The following TRPC1 variants were observed in gnomAD, a reference collection of about 807,000 sequenced individuals.
The protein encoded by TRPC1 is short transient receptor potential channel 1.
In TRPC1, 42 loss-of-function variants were observed where a neutral mutation model predicts 88.2. That is an observed-to-expected ratio of 0.48 (90% CI 0.37 to 0.62). The LOEUF (loss-of-function observed/expected upper bound fraction) is 0.62. TRPC1 is among the 20% of genes least tolerant of loss of function. The pLI is 0.00. For missense variants in TRPC1, 699 were observed against 957.3 expected, an observed-to-expected ratio of 0.73 and a Z score of 3.56; for synonymous variants, 288 against 331.8, an observed-to-expected ratio of 0.87 and a Z score of 1.43.
rs753531807 is a variant in TRPC1, at chr3:142,726,621, A to T, written c.172+1890A>T. Among the ~76,000 whole-genome samples the T allele has an allele frequency of 1.5e-3, 230 of 152,368 alleles. 3 individuals carry two copies. The highest frequency in any genetic ancestry group is 2.2e-3 in the Non-Finnish European group (153 of 68,030). On this transcript the variant is annotated intron_variant, in intron 1 of 12. Transcript: ENST00000476941. Reference sequence around the variant, plus strand: ...CTTGAGTTAGATTTGGAAAAATAGCATAATTCTTACGCATACTTATGGGGT... The same window carrying T: ...CTTGAGTTAGATTTGGAAAAATAGCTTAATTCTTACGCATACTTATGGGGT...
At chr3:142,750,921 A>G (rs575143908) in intron 4 of TRPC1, among the ~76,000 whole-genome samples, 1 of 152,316 alleles carries the variant, frequency 6.6e-6, no homozygotes, top group East Asian at 1.9e-4. Flanking sequence ...CATTCTGCAC[A>G]TGTATCCCAG....
intron 4 of TRPC1, among the ~76,000 whole-genome samples, chr3:142,754,108 AAAAAAG>A (rs1934876392): frequency 6.6e-6 from 1 of 152,000 alleles, no homozygotes; most frequent in Non-Finnish European, 1.5e-5. Context: ...AAAAAAAAAA[AAAAAAG>A]AGAGAGACAA....
At chr3:142,778,432 C>G (rs1197822113) in intron 5 of TRPC1, among the ~76,000 whole-genome samples, 1 of 151,372 alleles carries the variant, frequency 6.6e-6, no homozygotes, top group East Asian at 1.9e-4. Context: ...AAAAAAAAGA[C>G]TTTGTAATAG....
chr3:142,804,339 A>G (rs1936717668), intron 11 of TRPC1, 97 bp from the exon 12 acceptor site: 1 of 1,225,524 alleles, frequency 8.2e-7, no homozygotes, highest in Admixed American at 2.8e-5. Flanking sequence ...ATAATTGCAA[A>G]TGTTGAACAA....
chr3:142,748,953 G>T (rs957426827), intron 4 of TRPC1, among the ~76,000 whole-genome samples: 3 of 152,132 alleles, frequency 2.0e-5, no homozygotes, highest in African/African-American at 7.2e-5. Context: ...ACTGAGGATT[G>T]ATTGACCAAG....
intron 4 of TRPC1, among the ~76,000 whole-genome samples, chr3:142,749,009 G>C (rs1170931031): frequency 6.6e-6 from 1 of 152,186 alleles, no homozygotes; most frequent in East Asian, 1.9e-4. Flanking sequence ...TGGGCATGCT[G>C]TATAAGATAC....
chr3:142,740,273 C>CT (rs1219917926), intron 2 of TRPC1, among the ~76,000 whole-genome samples: 1 of 152,150 alleles, frequency 6.6e-6, no homozygotes, highest in Non-Finnish European at 1.5e-5. Context: ...ACGTGGGTGA[C>CT]TAAGAGAAGG....
chr3:142,754,145 A>T (rs961793941), intron 4 of TRPC1, among the ~76,000 whole-genome samples: 3 of 150,432 alleles, frequency 2.0e-5, no homozygotes, highest in African/African-American at 7.3e-5. Flanking sequence ...AATTTTAGAG[A>T]TGGTGTAGTT....
chr3:142,794,219 T>G (rs567078482), intron 9 of TRPC1, among the ~76,000 whole-genome samples: 1 of 152,248 alleles, frequency 6.6e-6, no homozygotes, highest in East Asian at 1.9e-4. Context: ...CTACGAATGC[T>G]TTAATCAAGA....
At chr3:142,770,162 A>G (rs113454927) in intron 4 of TRPC1, among the ~76,000 whole-genome samples, 409 of 146,618 alleles carry the variant, frequency 2.8e-3, no homozygotes, top group Non-Finnish European at 4.7e-3. Context: ...CAGTGGTGCA[A>G]TCTTGGCTAC....
chr3:142,774,557 T>C (rs1935689602), intron 4 of TRPC1, among the ~76,000 whole-genome samples: 1 of 152,172 alleles, frequency 6.6e-6, no homozygotes, highest in Non-Finnish European at 1.5e-5. Flanking sequence ...ACAAACCTCA[T>C]TGACTGAACT....
At chr3:142,737,648 A>G (rs970045544) in intron 2 of TRPC1, among the ~76,000 whole-genome samples, 2 of 152,246 alleles carry the variant, frequency 1.3e-5, no homozygotes, top group African/African-American at 4.8e-5. Flanking sequence ...GGGGCATGAG[A>G]GCTGCAGTGG....
intron 1 of TRPC1, among the ~76,000 whole-genome samples, chr3:142,735,243 C>A (rs960258778): frequency 2.0e-5 from 3 of 152,184 alleles, no homozygotes; most frequent in African/African-American, 7.2e-5. Flanking sequence ...AAAATAGTAG[C>A]AAATTTACTT....
intron 3 of TRPC1, among the ~76,000 whole-genome samples, chr3:142,744,264 A>G (rs1229407135): frequency 6.6e-6 from 1 of 152,138 alleles, no homozygotes; most frequent in East Asian, 1.9e-4. Context: ...AAATTTAAAA[A>G]AAATCATTGA....
intron 5 of TRPC1, 95 bp downstream of exon 5, chr3:142,777,858 T>G: frequency 7.4e-7 from 1 of 1,344,804 alleles, no homozygotes; most frequent in Non-Finnish European, 1.0e-6. Flanking sequence ...ATATTTACAT[T>G]TGATCCAAGA....
intron 6 of TRPC1, among the ~76,000 whole-genome samples, chr3:142,782,827 G>T (rs1936006358): frequency 6.6e-6 from 1 of 152,188 alleles, no homozygotes; most frequent in African/African-American, 2.4e-5. Context: ...CGGGCTGGCT[G>T]GGGTACATAC....
chr3:142,754,318 A>G (rs1047232912), intron 4 of TRPC1, among the ~76,000 whole-genome samples: 4 of 152,090 alleles, frequency 2.6e-5, no homozygotes, highest in South Asian at 2.1e-4. Flanking sequence ...TTTATTATCT[A>G]TTAGTGGAAG....
At chr3:142,768,813 A>T (rs571120540) in intron 4 of TRPC1, among the ~76,000 whole-genome samples, 1 of 152,276 alleles carries the variant, frequency 6.6e-6, no homozygotes, top group Non-Finnish European at 1.5e-5. Context: ...ATATCGACTT[A>T]AAACGTAACA....
chr3:142,782,340 G>A (rs1181621189), intron 6 of TRPC1, among the ~76,000 whole-genome samples: 1 of 152,184 alleles, frequency 6.6e-6, no homozygotes, highest in African/African-American at 2.4e-5. Context: ...CGATTTTAAA[G>A]ATGAATGAAA....
Sources: gnomAD v4.1 joint callset for allele counts (sites outside exome capture counted in the v4.1 genomes callset) on GRCh38, gnomAD v4.1.1 for gene constraint, MANE v1.5 for transcripts, NCBI Gene and HGNC (gene_info 2026-07-23, HGNC 2026-07-21) for gene names.